The following TSHZ3 variants were observed in gnomAD, a reference collection of about 807,000 sequenced individuals.
The protein encoded by TSHZ3 is teashirt zinc finger homeobox 3.
TSHZ3 carries 10 observed loss-of-function variants against 64.5 expected under a neutral mutation model. That is an observed-to-expected ratio of 0.16 (90% CI 0.10 to 0.26). The LOEUF (loss-of-function observed/expected upper bound fraction) is 0.26. TSHZ3 is among the 10% of genes least tolerant of loss of function. TSHZ3 has a pLI of 1.00. For missense variants in TSHZ3, 1,242 were observed against 1,421.7 expected (o/e 0.87, Z 2.03); for synonymous variants, 608 against 593.1 (o/e 1.03, Z -0.36).
intron 5 of TSHZ3, among the ~76,000 whole-genome samples, chr19:31,199,873 G>T (rs1975052382): frequency 6.9e-6 from 1 of 145,872 alleles, no homozygotes; most frequent in African/African-American, 2.6e-5. Context: ...CTCAATGAAA[G>T]AAAACAATGA....
At chr19:31,326,464 C>T (rs1296844815) in intron 1 of TSHZ3, among the ~76,000 whole-genome samples, 3 of 152,262 alleles carry the variant, frequency 2.0e-5, no homozygotes, top group Non-Finnish European at 4.4e-5. Context: ...AGCAGCCCTG[C>T]ATGCTTAGAA....
intron 1 of TSHZ3, among the ~76,000 whole-genome samples, chr19:31,340,828 A>T (rs1026378552): frequency 6.6e-6 from 1 of 152,210 alleles, no homozygotes; most frequent in Non-Finnish European, 1.5e-5. Context: ...CCCAGGAGGC[A>T]GGCCCCGCTT....
chr19:31,319,018 T>G (rs914409596), intron 1 of TSHZ3, among the ~76,000 whole-genome samples: 31 of 152,226 alleles, frequency 2.0e-4, no homozygotes, highest in Non-Finnish European at 7.3e-5. Flanking sequence ...CTCTGTCTGA[T>G]CAAGGATCCT....
intron 5 of TSHZ3, among the ~76,000 whole-genome samples, chr19:31,174,900 C>T (rs969049496): frequency 1.3e-5 from 2 of 152,202 alleles, no homozygotes; most frequent in Non-Finnish European, 2.9e-5. Flanking sequence ...AAATCCATCT[C>T]TGACAGCCAA....
intron 4 of TSHZ3, among the ~76,000 whole-genome samples, chr19:31,223,862 G>A (rs1975423844): frequency 6.6e-6 from 1 of 152,062 alleles, no homozygotes; most frequent in African/African-American, 2.4e-5. Context: ...GGGGTGATGG[G>A]GGTTCTTCCC....
rs35192337 is a variant in TSHZ3, at chr19:31,213,356, C to CAAAAAAAAAAAAAAAAAAAA, written n.687-8298_687-8279dup. On this transcript the variant is annotated intron_variant and non_coding_transcript_variant, in intron 4 of 6. Coordinates refer to the TSHZ3 transcript ENST00000651361. ...TGAGCAACAGAGCGAGACTCTGTCT[C>CAAAAAAAAAAAAAAAAAAAA]AAAAAAAAAAAAAAAAAAAAAAAAA... Among the ~76,000 whole-genome samples the CAAAAAAAAAAAAAAAAAAAA allele has an allele frequency of 8.6e-5, 2 of 23,308 alleles. 1 individual carries two copies. Among genetic ancestry groups the CAAAAAAAAAAAAAAAAAAAA allele is most frequent in the African/African-American group, 2.9e-4 (2 of 6,782 alleles). 15.3% of individuals were successfully genotyped at this position (23,308 alleles called of 152,430 possible).
At chr19:31,307,322 G>A (rs761121103) in intron 1 of TSHZ3, among the ~76,000 whole-genome samples, 10 of 151,828 alleles carry the variant, frequency 6.6e-5, no homozygotes, top group Non-Finnish European at 7.4e-5. Context: ...CCCTCCCCAT[G>A]TTCTGGGAAG....
intron 3 of TSHZ3, among the ~76,000 whole-genome samples, chr19:31,233,772 G>T (rs1475029024): frequency 2.0e-5 from 3 of 152,076 alleles, no homozygotes; most frequent in African/African-American, 4.8e-5. Flanking sequence ...CGTGAGCAAA[G>T]GATTGAGGTT....
chr19:31,287,237 T>G (rs1216082018), intron 1 of TSHZ3, among the ~76,000 whole-genome samples: 1 of 152,164 alleles, frequency 6.6e-6, no homozygotes, highest in Non-Finnish European at 1.5e-5. Context: ...CCAAGTAAAA[T>G]GCCCTGTGAG....
rs181715746 is a variant in TSHZ3 at position 31,156,602 on chromosome 19, G to A, written n.810-185C>T. 5.5e-4 allele frequency among the ~76,000 whole-genome samples: 84 copies of A among 152,088 alleles called. 1 individual carries two copies. The highest frequency in any genetic ancestry group is 1.9e-3 in the African/African-American group (80 of 41,476). On this transcript the variant is annotated intron_variant and non_coding_transcript_variant, in intron 5 of 6. Coordinates refer to the TSHZ3 transcript ENST00000651361. Reference sequence around the variant, plus strand: ...TCTTTATGGGAGCACCATCTTTTTTGGTGATCACACCTCTGGAAATGATGT... The same window carrying A: ...TCTTTATGGGAGCACCATCTTTTTTAGTGATCACACCTCTGGAAATGATGT...
At chr19:31,233,935 CAA>C (rs35438995) in intron 3 of TSHZ3, among the ~76,000 whole-genome samples, 3,429 of 118,128 alleles carry the variant, frequency 0.029, 124 homozygotes, top group African/African-American at 0.098. Flanking sequence ...TAATTCCTAC[CAA>C]AAAAAAAAAA....
chr19:31,281,649 C>G (rs866992673), intron 1 of TSHZ3, among the ~76,000 whole-genome samples: 1 of 152,184 alleles, frequency 6.6e-6, no homozygotes, highest in African/African-American at 2.4e-5. Context: ...AGGGCCAAGA[C>G]CAAATGCTTA....
intron 1 of TSHZ3, among the ~76,000 whole-genome samples, chr19:31,329,268 C>T (rs970777936): frequency 2.6e-5 from 4 of 152,166 alleles, no homozygotes; most frequent in African/African-American, 4.8e-5. Context: ...ACCCAAGCTC[C>T]GAGCAAGAAA....
At chr19:31,192,363 G>A (rs887326884) in intron 5 of TSHZ3, among the ~76,000 whole-genome samples, 6 of 152,120 alleles carry the variant, frequency 3.9e-5, no homozygotes, top group African/African-American at 1.4e-4. Context: ...CTGAGTAAAT[G>A]GAGATCTCAC....
At chr19:31,347,572 A>G (rs564110375) in intron 1 of TSHZ3, among the ~76,000 whole-genome samples, 52 of 152,288 alleles carry the variant, frequency 3.4e-4, no homozygotes, top group African/African-American at 1.2e-3. Context: ...TCATTGCTTG[A>G]GCCTGGAATT....
At chr19:31,293,698 T>A (rs1349321754) in intron 1 of TSHZ3, among the ~76,000 whole-genome samples, 1 of 152,226 alleles carries the variant, frequency 6.6e-6, no homozygotes, top group Admixed American at 6.5e-5. Flanking sequence ...ATTGTATATC[T>A]CTTCTGGCAT....
At chr19:31,189,114 T>A (rs1278129960) in intron 5 of TSHZ3, among the ~76,000 whole-genome samples, 1 of 151,940 alleles carries the variant, frequency 6.6e-6, no homozygotes, top group Non-Finnish European at 1.5e-5. Flanking sequence ...TTTCTAGTGA[T>A]CATCCTTTTT....
chr19:31,251,151 G>T (rs1975835792), intron 1 of TSHZ3, among the ~76,000 whole-genome samples: 1 of 152,154 alleles, frequency 6.6e-6, no homozygotes, highest in Non-Finnish European at 1.5e-5. Flanking sequence ...TCAGTGCAGT[G>T]CTCAGGCCTG....
intron 5 of TSHZ3, among the ~76,000 whole-genome samples, chr19:31,194,856 C>A (rs1974961580): frequency 6.6e-6 from 1 of 152,064 alleles, no homozygotes; most frequent in Non-Finnish European, 1.5e-5. Flanking sequence ...CAAGAACAGA[C>A]AGGCAATGTA....
Sources: allele counts gnomAD v4.1 joint callset (sites outside exome capture counted in the v4.1 genomes callset), GRCh38; gene constraint gnomAD v4.1.1; transcripts MANE v1.5; gene names NCBI Gene and HGNC (gene_info 2026-07-23, HGNC 2026-07-21).